Variants in VCAN observed in about 807,000 individuals in gnomAD.
VCAN encodes versican core protein.
A neutral mutation model predicts 245.5 loss-of-function variants in VCAN; 44 were observed. The observed-to-expected ratio is 0.18, with a 90% CI of 0.14 to 0.23. The LOEUF (loss-of-function observed/expected upper bound fraction) is 0.23. VCAN is among the 10% of genes least tolerant of loss of function. The pLI, the probability that VCAN is intolerant of heterozygous loss-of-function variation, is 1.00. For missense variants in VCAN, 3,793 were observed against 4,057.9 expected (o/e 0.93, Z 1.77); for synonymous variants, 1,413 against 1,437.0 (o/e 0.98, Z 0.38).
At chr5:83,487,686 G>C (rs913407608) in intron 2 of VCAN, among the ~76,000 whole-genome samples, 18 of 152,060 alleles carry the variant, frequency 1.2e-4, no homozygotes, top group African/African-American at 4.1e-4. Context: ...TCCAACCAAA[G>C]CTTTTAATTT....
rs367763953 is a variant in VCAN, at chr5:83,479,750, A to G, written c.-6-3763A>G. On this transcript the variant is annotated intron_variant, in intron 1 of 14. Transcript: ENST00000265077. ...ACTTAATGACCAAGGATAGGGACAT[A>G]GCCTTGAGAAAATTACAGAAGTGGA... Among the ~76,000 whole-genome samples, 9 of 152,376 alleles carry G rather than the reference A, an allele frequency of 5.9e-5. No individual in the cohort carries two copies. In the South Asian group the frequency reaches 1.9e-3, roughly 32 times the overall value.
At chr5:83,553,852 G>T (rs993535212) in intron 11 of VCAN, among the ~76,000 whole-genome samples, 1 of 152,106 alleles carries the variant, frequency 6.6e-6, no homozygotes, top group Non-Finnish European at 1.5e-5. Context: ...TCTTACTATG[G>T]TTATACTTTC....
chr5:83,520,417 A>G lies in VCAN; in HGVS notation c.2111A>G (p.Gln704Arg). ...ACAGATACTTATACAGATGAAATACAAGAAGAGATCACTAAAAGTCCATTT... is the reference window on the plus strand; with the variant it reads ...ACAGATACTTATACAGATGAAATACGAGAAGAGATCACTAAAAGTCCATTT... The part of the protein sequence containing the change: ...MRTDTYTDEI[Q>R]EEITKSPFMG... The change falls in exon 7 of 15, where the codon CAA becomes CGA. Residue 704 changes from glutamine to arginine, a missense_variant. Physicochemically the swap from Gln to Arg is conservative, Grantham distance 43. Transcript: ENST00000265077. 6.2e-7 allele frequency: 1 copy of G among 1,613,796 alleles called. No homozygotes were observed. The highest frequency in any genetic ancestry group is 8.5e-7 in the Non-Finnish European group (1 of 1,179,950).
At chr5:83,552,651 G>GAC (rs145238240) in intron 10 of VCAN, among the ~76,000 whole-genome samples, 7,233 of 151,788 alleles carry the variant, frequency 0.048, 602 homozygotes, top group African/African-American at 0.17. Context: ...CACACACACA[G>GAC]ACACACACAC....
chr5:83,487,774 C>A (rs899026756), intron 2 of VCAN, among the ~76,000 whole-genome samples: 10 of 152,172 alleles, frequency 6.6e-5, no homozygotes, highest in Non-Finnish European at 1.0e-4. Flanking sequence ...TCCAACATAC[C>A]TTTTCTTTAC....
At chr5:83,493,207 C>A (rs1479269286) in intron 3 of VCAN, among the ~76,000 whole-genome samples, 1 of 152,208 alleles carries the variant, frequency 6.6e-6, no homozygotes, top group Non-Finnish European at 1.5e-5. Context: ...TCTGCAGAAT[C>A]TACTCCCTTT....
chr5:83,557,006 C>T (rs752002773), intron 12 of VCAN, among the ~76,000 whole-genome samples: 1 of 152,022 alleles, frequency 6.6e-6, no homozygotes, highest in African/African-American at 2.4e-5. Flanking sequence ...GAGCCCCCAT[C>T]ATGTATACAG....
At chr5:83,481,677 T>A (rs929945877) in intron 1 of VCAN, among the ~76,000 whole-genome samples, 1 of 152,128 alleles carries the variant, frequency 6.6e-6, no homozygotes, top group African/African-American at 2.4e-5. Context: ...TATCAGTTGG[T>A]CTATAGATGG....
intron 12 of VCAN, among the ~76,000 whole-genome samples, chr5:83,566,446 G>A (rs914154875): frequency 6.6e-6 from 1 of 152,116 alleles, no homozygotes; most frequent in South Asian, 2.1e-4. Context: ...AATGATAAAA[G>A]ATATCTCTGA....
chr5:83,476,927 TTATGTC>T (rs915540828), intron 1 of VCAN, among the ~76,000 whole-genome samples: 4 of 152,192 alleles, frequency 2.6e-5, no homozygotes, highest in Non-Finnish European at 5.9e-5. Flanking sequence ...TAAGAGGTGT[TTATGTC>T]TATAAAATGA....
chr5:83,523,974 G>A (rs77275118), intron 7 of VCAN, among the ~76,000 whole-genome samples: 1,949 of 152,246 alleles, frequency 0.013, 44 homozygotes, highest in African/African-American at 0.044. Flanking sequence ...TTAAAAAAAT[G>A]CTTGAATGGA....
At chr5:83,517,076 G>A (rs890099865) in intron 6 of VCAN, among the ~76,000 whole-genome samples, 1 of 152,130 alleles carries the variant, frequency 6.6e-6, no homozygotes, top group Non-Finnish European at 1.5e-5. Flanking sequence ...ATAAATACTG[G>A]CTTTCTAGAA....
rs751856883 is a variant in VCAN, at chr5:83,541,639, C to T, written c.8636C>T (p.Ser2879Leu). 3.2e-5 allele frequency: 51 copies of T among 1,613,728 alleles called. No homozygotes were observed. Among genetic ancestry groups the T allele is most frequent in the Non-Finnish European group, 4.0e-5 (47 of 1,180,014 alleles). Residue 2879 changes from serine to leucine, a missense_variant, in exon 8 of 15, where the codon TCA becomes TTA. Physicochemically the swap from Ser to Leu is moderately radical, Grantham distance 145. Transcript: ENST00000265077. ...AATATTGAAGCGACTTTCAAACCAT[C>T]AAGTGAGGAATACCTTCACATAACT... The part of the protein sequence containing the change: ...HVNIEATFKP[S>L]SEEYLHITEP...
rs1361494052 is a variant in VCAN at position 83,538,073 on chromosome 5, T to C, written c.5070T>C (p.Tyr1690=). Residue 1690 remains tyrosine (Y), a synonymous_variant, in exon 8 of 15, where the codon TAT becomes TAC. Coordinates refer to ENST00000265077, the MANE Select transcript of VCAN (RefSeq NM_004385.5). ...TTGAGGTTCCTGCAACCACCATTTA[T>C]CCAGTTTCTGAACAACCTTCTGCAA... ...SFFEVPATTI[Y]PVSEQPSAKV... is the part of the protein sequence containing the mutation. 4.3e-6 allele frequency: 7 copies of C among 1,614,076 alleles called. No homozygotes were observed. The East Asian group carries it at 1.1e-4, about 26-fold the overall frequency.
chr5:83,497,921 A>G (rs1424917957), intron 5 of VCAN, among the ~76,000 whole-genome samples: 2 of 152,272 alleles, frequency 1.3e-5, no homozygotes, highest in African/African-American at 4.8e-5. Flanking sequence ...ATGAGGTCCT[A>G]TTACCTTCTT....
Position 83,521,645 on chromosome 5 carries a change from A to G in VCAN, c.3339A>G (p.Lys1113=), listed in dbSNP as rs1253692191. 4 of 1,613,810 alleles carry G rather than the reference A, an allele frequency of 2.5e-6. No individual in the cohort carries two copies. Among genetic ancestry groups the G allele is most frequent in the Non-Finnish European group, 3.4e-6 (4 of 1,180,034 alleles). Residue 1113 remains lysine, a synonymous_variant, in exon 7 of 15, where the codon AAA becomes AAG. Coordinates refer to ENST00000265077, the MANE Select transcript of VCAN (RefSeq NM_004385.5). ...CACCAGGTGCTGTAACTGAGCACAA[A>G]GTGAAAACAGATGAAGTGGTAACAC... is the stretch of plus-strand genomic sequence containing the variant. ...SYPPGAVTEH[K]VKTDEVVTLT...
intron 2 of VCAN, among the ~76,000 whole-genome samples, chr5:83,484,036 T>C (rs1284913627): frequency 6.6e-6 from 1 of 152,226 alleles, no homozygotes; most frequent in East Asian, 1.9e-4. Context: ...AAAAAAGCAG[T>C]TGGATATGCA....
intron 14 of VCAN, 53 bp from the exon 15 acceptor site, chr5:83,580,254 T>C: frequency 6.2e-7 from 1 of 1,613,788 alleles, no homozygotes; most frequent in African/African-American, 1.3e-5. Flanking sequence ...GTTTAGGGTA[T>C]GGAGCAAGTA....
intron 3 of VCAN, among the ~76,000 whole-genome samples, chr5:83,492,501 A>T (rs1745015868): frequency 6.6e-6 from 1 of 152,188 alleles, no homozygotes; most frequent in South Asian, 2.1e-4. Context: ...TGCAGAAATG[A>T]GTCATCATAT....
Sources: gnomAD v4.1 joint callset for allele counts (sites outside exome capture counted in the v4.1 genomes callset) on GRCh38, gnomAD v4.1.1 for gene constraint, MANE v1.5 for transcripts, NCBI Gene and HGNC (gene_info 2026-07-23, HGNC 2026-07-21) for gene names.